Variants in KCNH5 observed in about 807,000 individuals in gnomAD.
KCNH5 encodes voltage-gated delayed rectifier potassium channel KCNH5.
A neutral mutation model predicts 96.1 loss-of-function variants in KCNH5; 46 were observed. The ratio of observed to expected loss-of-function variants is 0.48; its 90% CI spans 0.38 to 0.61. The LOEUF is 0.61. KCNH5 is among the 20% of genes least tolerant of loss of function. The probability of loss-of-function intolerance (pLI) is 0.00; values close to 1 mark genes in which losing one functional copy is unlikely to be tolerated. For missense variants in KCNH5, 907 were observed against 1,225.8 expected (o/e 0.74, Z 3.88); for synonymous variants, 439 against 449.8 (o/e 0.98, Z 0.30).
intron 7 of KCNH5, among the ~76,000 whole-genome samples, chr14:62,876,732 T>C (rs556468963): frequency 1.5e-4 from 23 of 152,314 alleles, no homozygotes; most frequent in Non-Finnish European, 2.9e-4. Flanking sequence ...AGGGTAAATA[T>C]GTAATCAGTG....
At chr14:63,001,671 C>T (rs1019097744) in intron 3 of KCNH5, among the ~76,000 whole-genome samples, 5 of 152,300 alleles carry the variant, frequency 3.3e-5, no homozygotes, top group South Asian at 2.1e-4. Flanking sequence ...ACAGTATACA[C>T]GCCAAAATAT....
intron 7 of KCNH5, among the ~76,000 whole-genome samples, chr14:62,907,783 G>A (rs1016567634): frequency 3.9e-5 from 6 of 152,108 alleles, no homozygotes; most frequent in Non-Finnish European, 8.8e-5. Flanking sequence ...TGGCTGGAGC[G>A]GCAAGTGACA....
intron 10 of KCNH5, among the ~76,000 whole-genome samples, chr14:62,757,426 AC>A (rs1296185283): frequency 6.6e-6 from 1 of 151,994 alleles, no homozygotes; most frequent in Non-Finnish European, 1.5e-5. Context: ...ATGATCTAGC[AC>A]CCCCACTGCT....
chr14:63,038,159 C>G (rs1459429558), intron 1 of KCNH5, among the ~76,000 whole-genome samples: 2 of 152,252 alleles, frequency 1.3e-5, no homozygotes, highest in East Asian at 3.9e-4. Flanking sequence ...ATTACTTATT[C>G]AAGCTCACTT....
Position 62,711,553 on chromosome 14 carries a change from G to A in KCNH5, c.2020-3098C>T, listed in dbSNP as rs74449083. Among the ~76,000 whole-genome samples the A allele has an allele frequency of 2.4e-3, 364 of 152,238 alleles. 2 individuals carry two copies. The highest frequency in any genetic ancestry group is 7.8e-3 in the African/African-American group (324 of 41,552). On this transcript the variant is annotated intron_variant, in intron 10 of 10. Coordinates refer to ENST00000322893, the MANE Select transcript of KCNH5 (RefSeq NM_139318.5). Reference sequence around the variant, plus strand: ...AAACATAGCTCCCTTGAGGTTTGAGGGTACTTATGACCAACAAGACTGGTC... The same window carrying A: ...AAACATAGCTCCCTTGAGGTTTGAGAGTACTTATGACCAACAAGACTGGTC...
In KCNH5 at chr14:62,961,859, C is replaced by CAGATGGAGATGCAGATGG. The variant is rs1435643588; in HGVS notation, c.943-11301_943-11300insCCATCTGCATCTCCATCT. On this transcript the variant is annotated intron_variant, in intron 6 of 10. Coordinates refer to ENST00000322893, the MANE Select transcript of KCNH5 (RefSeq NM_139318.5). ...GGAGATGGAGATGCAGATGGAGATG[C>CAGATGGAGATGCAGATGG]AGATGCAGATGCAAATGCAGAAGGA... Among the ~76,000 whole-genome samples, 686 of 143,350 alleles carry CAGATGGAGATGCAGATGG rather than the reference C, an allele frequency of 4.8e-3. 3 individuals are homozygous for CAGATGGAGATGCAGATGG. Among genetic ancestry groups the CAGATGGAGATGCAGATGG allele is most frequent in the African/African-American group, 0.017 (643 of 38,018 alleles). 94.0% of individuals were successfully genotyped at this position (143,350 alleles called of 152,430 possible). A position where few individuals can be genotyped will look rare whatever the true frequency, so the allele number is the denominator to read the frequency against.
intron 7 of KCNH5, among the ~76,000 whole-genome samples, chr14:62,887,575 T>G (rs903146450): frequency 3.3e-5 from 5 of 152,012 alleles, no homozygotes; most frequent in Admixed American, 3.3e-4. Flanking sequence ...ACATTGAGTA[T>G]TATACAAGAT....
chr14:62,806,763 C>T (rs1453088605), intron 8 of KCNH5, among the ~76,000 whole-genome samples: 1 of 152,102 alleles, frequency 6.6e-6, no homozygotes, highest in Admixed American at 6.6e-5. Context: ...AGAGTCCCTT[C>T]TAAGATTTAG....
At chr14:62,794,343 A>G (rs955384686) in intron 9 of KCNH5, among the ~76,000 whole-genome samples, 3 of 152,044 alleles carry the variant, frequency 2.0e-5, no homozygotes, top group African/African-American at 7.2e-5. Context: ...CAGTTGTACT[A>G]TAATTTCAAA....
At chr14:62,842,740 G>A (rs1887611419) in intron 8 of KCNH5, among the ~76,000 whole-genome samples, 1 of 152,080 alleles carries the variant, frequency 6.6e-6, no homozygotes, top group South Asian at 2.1e-4. Context: ...GGTAGTATAT[G>A]TTCTATCACC....
At chr14:62,846,967 AT>A (rs1349208934) in intron 8 of KCNH5, among the ~76,000 whole-genome samples, 3 of 147,784 alleles carry the variant, frequency 2.0e-5, no homozygotes, top group African/African-American at 2.5e-5. Context: ...CGCCCGGCTA[AT>A]TTTTTTTATT....
intron 8 of KCNH5, among the ~76,000 whole-genome samples, chr14:62,807,961 G>A (rs551346896): frequency 1.1e-4 from 16 of 151,922 alleles, no homozygotes; most frequent in Non-Finnish European, 1.6e-4. Context: ...GCCTAGGGAC[G>A]TGTGGAGTTA....
intron 9 of KCNH5, among the ~76,000 whole-genome samples, chr14:62,786,104 T>C (rs1188048495): frequency 2.6e-5 from 4 of 152,088 alleles, no homozygotes; most frequent in South Asian, 2.1e-4. Context: ...GGAAGGAGAA[T>C]GGCTTGAACC....
chr14:62,987,029 C>A, intron 5 of KCNH5, 43 bp downstream of exon 5: 1 of 1,298,610 alleles, frequency 7.7e-7, no homozygotes, highest in South Asian at 1.2e-5. Flanking sequence ...GAAAAATGTA[C>A]CAACACCACC....
intron 7 of KCNH5, among the ~76,000 whole-genome samples, chr14:62,880,057 A>C (rs564690095): frequency 5.3e-5 from 8 of 152,310 alleles, no homozygotes; most frequent in Non-Finnish European, 1.2e-4. Flanking sequence ...TTTGTATTAG[A>C]AATGTATTAT....
At chr14:62,965,070 A>T (rs1283512530) in intron 6 of KCNH5, among the ~76,000 whole-genome samples, 1 of 151,978 alleles carries the variant, frequency 6.6e-6, no homozygotes, top group African/African-American at 2.4e-5. Context: ...GGAGTACCTC[A>T]ATATATATAT....
intron 7 of KCNH5, among the ~76,000 whole-genome samples, chr14:62,878,204 G>A (rs548159361): frequency 4.8e-5 from 7 of 145,950 alleles, no homozygotes; most frequent in South Asian, 2.1e-4. Context: ...GTGGGGATGG[G>A]GGGGGGGGCG....
At chr14:62,943,081 G>GA (rs1566716408) in intron 7 of KCNH5, among the ~76,000 whole-genome samples, 2 of 152,038 alleles carry the variant, frequency 1.3e-5, no homozygotes, top group African/African-American at 4.8e-5. Context: ...TATGGAGAGA[G>GA]AAAAAAATTA....
intron 10 of KCNH5, among the ~76,000 whole-genome samples, chr14:62,772,793 A>C (rs758739494): frequency 2.0e-5 from 3 of 152,180 alleles, no homozygotes; most frequent in African/African-American, 7.2e-5. Context: ...AAATTCAGTA[A>C]CACTTCTTAA....
Sources: gnomAD v4.1 joint callset for allele counts (sites outside exome capture counted in the v4.1 genomes callset) on GRCh38, gnomAD v4.1.1 for gene constraint, MANE v1.5 for transcripts, NCBI Gene and HGNC (gene_info 2026-07-23, HGNC 2026-07-21) for gene names.